PDE9A: variants seen among roughly 807,000 people sequenced by gnomAD.
PDE9A encodes high affinity cGMP-specific 3',5'-cyclic phosphodiesterase 9A.
A neutral mutation model predicts 87.4 loss-of-function variants in PDE9A; 60 were observed. That is an observed-to-expected ratio of 0.69 (90% CI 0.56 to 0.85). PDE9A has a LOEUF of 0.85. Among genes scored for constraint, PDE9A ranks in the 40% least tolerant of loss-of-function variants. The pLI, the probability that PDE9A is intolerant of heterozygous loss-of-function variation, is 0.00. For synonymous variants in PDE9A, 272 were observed against 279.4 expected, an observed-to-expected ratio of 0.97 and a Z score of 0.27; for missense variants, 665 against 779.0, an observed-to-expected ratio of 0.85 and a Z score of 1.74.
chr21:42,680,373 A>T lies in PDE9A; in HGVS notation c.70-5819A>T, dbSNP rs1272501544. Among the ~76,000 whole-genome samples, 7 of 152,386 alleles carry T rather than the reference A, an allele frequency of 4.6e-5. No homozygotes were observed. The East Asian group carries it at 9.6e-4, about 21-fold the overall frequency. On this transcript the variant is annotated intron_variant, in intron 1 of 19. Transcript: ENST00000291539. ...GGTTAGCAGGAGGCAAGGCATGCGC[A>T]GGACAGCTGGCCGGCAGAGGTCCCG...
intron 6 of PDE9A, among the ~76,000 whole-genome samples, chr21:42,732,865 G>A (rs1418246266): frequency 6.6e-6 from 1 of 152,236 alleles, no homozygotes; most frequent in Non-Finnish European, 1.5e-5. Context: ...CGTGAGCCGA[G>A]ATCACGCCAC....
intron 1 of PDE9A, among the ~76,000 whole-genome samples, chr21:42,678,040 C>T (rs1037421824): frequency 6.6e-6 from 1 of 152,242 alleles, no homozygotes; most frequent in African/African-American, 2.4e-5. Context: ...TGGCTTTGTG[C>T]CAATCCAAAC....
chr21:42,667,706 G>C (rs991849010), intron 1 of PDE9A, among the ~76,000 whole-genome samples: 7 of 152,094 alleles, frequency 4.6e-5, no homozygotes, highest in East Asian at 3.9e-4. Flanking sequence ...CAAAAGCCTT[G>C]CTGGGCCTTC....
At chr21:42,747,821 CCAAA>C (rs1375244105) in intron 8 of PDE9A, among the ~76,000 whole-genome samples, 1 of 152,234 alleles carries the variant, frequency 6.6e-6, no homozygotes, top group East Asian at 1.9e-4. Context: ...AGCGTTCATC[CCAAA>C]CAAATGGCCT....
intron 3 of PDE9A, chr21:42,697,271 A>T (rs2060193072): frequency 1.6e-6 from 1 of 627,980 alleles, no homozygotes; most frequent in Non-Finnish European, 2.9e-6. Context: ...CACAGGTTTT[A>T]TTTTTTCACA....
chr21:42,714,739 T>A (rs1355290553), intron 4 of PDE9A, among the ~76,000 whole-genome samples: 4 of 143,404 alleles, frequency 2.8e-5, no homozygotes, highest in African/African-American at 1.0e-4. Context: ...TCTACCAGTC[T>A]TTGTTGATAT....
intron 15 of PDE9A, among the ~76,000 whole-genome samples, chr21:42,766,674 C>T (rs2056433470): frequency 6.6e-6 from 1 of 152,188 alleles, no homozygotes; most frequent in African/African-American, 2.4e-5. Context: ...CAGGCCAGGG[C>T]CACCAGAAGC....
chr21:42,725,315 C>A (rs1005686893), intron 4 of PDE9A, among the ~76,000 whole-genome samples: 6 of 152,126 alleles, frequency 3.9e-5, no homozygotes, highest in African/African-American at 1.4e-4. Context: ...TCGGCTCACC[C>A]CACAACCTCC....
At chr21:42,654,445 C>G (rs1265771909) in intron 1 of PDE9A, among the ~76,000 whole-genome samples, 1 of 152,200 alleles carries the variant, frequency 6.6e-6, no homozygotes. Flanking sequence ...GTCCAGCGTT[C>G]CTAGCGGACT....
At position 42,773,871 on chromosome 21, in the gene PDE9A, A is replaced by G. The variant is rs984403852; in HGVS notation, c.1768+1351A>G. On this transcript the variant is annotated intron_variant, in intron 19 of 19. Transcript: ENST00000291539. ...TGTAGTCCCAGCACTTTGGGAGGCC[A>G]AGGTGGACGGATCACAAGGTCAGGA... 7.3e-5 allele frequency among the ~76,000 whole-genome samples: 11 copies of G among 150,544 alleles called. No individual in the cohort carries two copies. In the South Asian group the frequency reaches 1.5e-3, roughly 20 times the overall value.
intron 7 of PDE9A, among the ~76,000 whole-genome samples, chr21:42,743,185 A>C (rs768321785): frequency 2.2e-4 from 34 of 152,158 alleles, no homozygotes; most frequent in Non-Finnish European, 4.7e-4. Flanking sequence ...GGCAGTTTCA[A>C]CTCCAGGAAT....
intron 1 of PDE9A, among the ~76,000 whole-genome samples, chr21:42,678,467 C>T (rs566562172): frequency 6.6e-6 from 1 of 152,300 alleles, no homozygotes; most frequent in East Asian, 1.9e-4. Flanking sequence ...GCTGCCTGCC[C>T]CAGTAGGAGG....
At position 42,671,947 on chromosome 21, in the gene PDE9A, C is replaced by A. The variant is rs1379004856; in HGVS notation, c.70-14245C>A. Among the ~76,000 whole-genome samples, 3 of 152,152 alleles carry A rather than the reference C, an allele frequency of 2.0e-5. No homozygotes were observed. In the East Asian group the frequency reaches 5.8e-4, roughly 29 times the overall value. On this transcript the variant is annotated intron_variant, in intron 1 of 19. Coordinates refer to ENST00000291539, the MANE Select transcript of PDE9A (RefSeq NM_002606.3). ...TCTCTCTCCCAGAGAGATCCCCAAG[C>A]CCGGCTGAGATGTGCCTGTTTGTCT...
intron 1 of PDE9A, among the ~76,000 whole-genome samples, chr21:42,668,727 C>G (rs2058180570): frequency 1.3e-5 from 2 of 152,204 alleles, no homozygotes; most frequent in Admixed American, 6.5e-5. Flanking sequence ...GGCCCGGGAT[C>G]CGCGCAGATG....
chr21:42,662,887 CACAA>C (rs1294655849), intron 1 of PDE9A, among the ~76,000 whole-genome samples: 2 of 140,362 alleles, frequency 1.4e-5, no homozygotes, highest in African/African-American at 5.6e-5. Flanking sequence ...ACACAGCACA[CACAA>C]AAACACACCA....
chr21:42,742,218 C>T (rs2053360025), intron 7 of PDE9A, among the ~76,000 whole-genome samples: 1 of 152,164 alleles, frequency 6.6e-6, no homozygotes. Context: ...GGGGTTCACC[C>T]TGCCTGCTAC....
chr21:42,762,626 C>A (rs1289510115), intron 14 of PDE9A, among the ~76,000 whole-genome samples: 1 of 152,178 alleles, frequency 6.6e-6, no homozygotes, highest in African/African-American at 2.4e-5. Context: ...AGGAGAGCTG[C>A]CCCCTGCCCC....
In PDE9A at chr21:42,731,890, T is replaced by C. The variant is rs2146719480; in HGVS notation, c.383T>C (p.Val128Ala). 8 of 1,614,002 alleles carry C rather than the reference T, an allele frequency of 5.0e-6. No homozygotes were observed. The highest frequency in any genetic ancestry group is 6.8e-6 in the Non-Finnish European group (8 of 1,179,962). Reference sequence around the variant, plus strand: ...GAAGGAGCATTTGAAAGTGGACAGGTAGAGCCCAGGCCCAGAGAGCCCCAG... The same window carrying C: ...GAAGGAGCATTTGAAAGTGGACAGGCAGAGCCCAGGCCCAGAGAGCCCCAG... ...RREGAFESGQ[V>A]EPRPREPQGC... Residue 128 changes from valine to alanine, a missense_variant, in exon 5 of 20, where the codon GTA (valine) becomes GCA (alanine). Val to Ala is a moderately conservative substitution (Grantham distance 64, BLOSUM62 0). Transcript: ENST00000291539.
Sources: allele counts gnomAD v4.1 joint callset (sites outside exome capture counted in the v4.1 genomes callset), GRCh38; gene constraint gnomAD v4.1.1; transcripts MANE v1.5; gene names NCBI Gene and HGNC (gene_info 2026-07-23, HGNC 2026-07-21).